Variants in NFYC observed in about 807,000 individuals in gnomAD.
The protein encoded by NFYC is nuclear transcription factor Y subunit gamma, also known as CAAT box DNA-binding protein subunit C.
A neutral mutation model predicts 53.1 loss-of-function variants in NFYC; 25 were observed. That is an observed-to-expected ratio of 0.47 (90% CI 0.34 to 0.66). NFYC has a LOEUF of 0.66. NFYC is among the 30% of genes least tolerant of loss of function. The probability of loss-of-function intolerance (pLI) is 0.01; values close to 1 mark genes in which losing one functional copy is unlikely to be tolerated. For missense variants in NFYC, 260 were observed against 422.7 expected (o/e 0.62, Z 3.38); for synonymous variants, 145 against 152.6 (o/e 0.95, Z 0.37).
chr1:40,733,503 G>C (rs1644872150), intron 1 of NFYC, among the ~76,000 whole-genome samples: 1 of 150,974 alleles, frequency 6.6e-6, no homozygotes, highest in Non-Finnish European at 1.5e-5. Flanking sequence ...AAAAAATAGA[G>C]AGAAAGAGTA....
At chr1:40,747,449 G>A in intron 2 of NFYC, 85 bp from the exon 3 acceptor site, 1 of 898,324 alleles carries the variant, frequency 1.1e-6, no homozygotes, top group Non-Finnish European at 1.8e-6. Context: ...GAGGGACCAA[G>A]CCAGAGTGTT....
chr1:40,768,335 C>T (rs1478045322), intron 8 of NFYC, among the ~76,000 whole-genome samples: 5 of 152,228 alleles, frequency 3.3e-5, no homozygotes, highest in Admixed American at 3.3e-4. Flanking sequence ...TGGGCTCCTG[C>T]CCTCAGGCAT....
At chr1:40,730,571 T>G in intron 1 of NFYC, 1 of 985,358 alleles carries the variant, frequency 1.0e-6, no homozygotes, top group Non-Finnish European at 1.2e-6. Context: ...GAGGAAGATA[T>G]GATCAAAATG....
intron 1 of NFYC, among the ~76,000 whole-genome samples, chr1:40,718,351 C>T (rs1376665173): frequency 1.3e-5 from 2 of 152,206 alleles, no homozygotes; most frequent in Non-Finnish European, 2.9e-5. Context: ...TTATACTGCA[C>T]TTTCTTACCA....
chr1:40,715,585 C>T (rs916486128), intron 1 of NFYC, among the ~76,000 whole-genome samples: 1 of 151,988 alleles, frequency 6.6e-6, no homozygotes, highest in African/African-American at 2.4e-5. Flanking sequence ...ATATGGGGGC[C>T]CACCTCTTTA....
intron 1 of NFYC, among the ~76,000 whole-genome samples, chr1:40,693,660 C>T (rs1490919355): frequency 6.6e-6 from 1 of 152,214 alleles, no homozygotes; most frequent in African/African-American, 2.4e-5. Context: ...GTTTAAGTAG[C>T]TTGTCTGGTG....
intron 1 of NFYC, among the ~76,000 whole-genome samples, chr1:40,733,605 G>C (rs1037515266): frequency 3.3e-5 from 5 of 151,498 alleles, no homozygotes; most frequent in Non-Finnish European, 7.4e-5. Context: ...GTCTCCCTCT[G>C]TTGCCCAGGC....
In NFYC at chr1:40,764,500, A is replaced by AT. The variant is rs567426739; in HGVS notation, c.720+1459dup. 7.1e-3 allele frequency among the ~76,000 whole-genome samples: 1,075 copies of AT among 152,216 alleles called. 8 individuals are homozygous for AT. Among genetic ancestry groups the AT allele is most frequent in the South Asian group, 0.016 (77 of 4,828 alleles). ...CCAAGATTTCTGTTGAATGGTTCTC[A>AT]TTTTTGCAAGCGAAGGCACCACCAC... On this transcript the variant is annotated intron_variant, in intron 7 of 9. Coordinates refer to ENST00000447388, the MANE Select transcript of NFYC (RefSeq NM_014223.5).
intron 1 of NFYC, among the ~76,000 whole-genome samples, chr1:40,697,203 T>A (rs919606911): frequency 1.3e-5 from 2 of 152,198 alleles, no homozygotes; most frequent in Non-Finnish European, 2.9e-5. Context: ...TTAGTGGACC[T>A]TAATAAGTGG....
At chr1:40,763,426 A>T (rs2148778054) in intron 7 of NFYC, 1 of 454,178 alleles carries the variant, frequency 2.2e-6, no homozygotes, top group East Asian at 7.0e-5. Context: ...AGCTCACTGC[A>T]GCTTCCGCCT....
intron 1 of NFYC, among the ~76,000 whole-genome samples, chr1:40,736,198 A>G (rs1475191133): frequency 6.6e-6 from 1 of 152,186 alleles, no homozygotes; most frequent in Non-Finnish European, 1.5e-5. Context: ...CACTAATGTC[A>G]TTACACCAGA....
rs200191074 is a variant in NFYC at position 40,715,689 on chromosome 1, CA to C, written c.-8-23143del. 6.8e-5 allele frequency among the ~76,000 whole-genome samples: 10 copies of C among 147,146 alleles called. No homozygotes were observed. In the East Asian group the frequency reaches 1.9e-3, roughly 28 times the overall value. The stretch of plus-strand genomic sequence containing the variant: ...TAGACCCCGCTGTTCAATAATTGAC[CA>C]AAAGTTTTTCTCTACTTATAGTATT... On this transcript the variant is annotated intron_variant, in intron 1 of 9. Transcript: ENST00000447388.
At position 40,694,726 on chromosome 1, in the gene NFYC, T is replaced by C. The variant is rs531632782; in HGVS notation, c.-9+2859T>C. ...ACCACCTTCATTCCATGTTAGCCCC[T>C]TATACCCATGGCCACCTTGTTAAGA... On this transcript the variant is annotated intron_variant, in intron 1 of 9. Transcript: ENST00000447388. Among the ~76,000 whole-genome samples the C allele has an allele frequency of 2.0e-5, 3 of 152,242 alleles. No homozygotes were observed. The South Asian group carries it at 6.2e-4, about 32-fold the overall frequency.
chr1:40,703,715 C>T (rs1003965926), intron 1 of NFYC, among the ~76,000 whole-genome samples: 1 of 152,118 alleles, frequency 6.6e-6, no homozygotes, highest in Non-Finnish European at 1.5e-5. Flanking sequence ...TTGCTGCCTT[C>T]AAGAAGCCCT....
At chr1:40,709,987 A>G (rs1352750350) in intron 1 of NFYC, among the ~76,000 whole-genome samples, 1 of 152,156 alleles carries the variant, frequency 6.6e-6, no homozygotes, top group South Asian at 2.1e-4. Context: ...ATTTCCATGC[A>G]CTTTGTTGAC....
intron 1 of NFYC, among the ~76,000 whole-genome samples, chr1:40,699,454 C>T (rs1266916919): frequency 6.6e-6 from 1 of 152,152 alleles, no homozygotes; most frequent in Non-Finnish European, 1.5e-5. Context: ...ACATTATCTG[C>T]ACAGTTGACA....
At chr1:40,767,521 T>C (rs1646877539) in intron 8 of NFYC, among the ~76,000 whole-genome samples, 1 of 152,114 alleles carries the variant, frequency 6.6e-6, no homozygotes, top group South Asian at 2.1e-4. Flanking sequence ...CTGTGCCCAC[T>C]CCCCGGCTTA....
Position 40,758,311 on chromosome 1 carries a change from G to T in NFYC, c.561+17G>T. On this transcript the variant is annotated intron_variant, in intron 6 of 9. Transcript: ENST00000447388. ...CAGGGCCAGGTCTGTGAGCTGCTGAGGATGCCCATCCAGCAAGACAGTGCC... is the reference window on the plus strand; with the variant it reads ...CAGGGCCAGGTCTGTGAGCTGCTGATGATGCCCATCCAGCAAGACAGTGCC... 1 of 1,594,236 alleles carries T rather than the reference G, an allele frequency of 6.3e-7. No individual in the cohort carries two copies. Among genetic ancestry groups the T allele is most frequent in the Non-Finnish European group, 8.6e-7 (1 of 1,168,486 alleles).
At position 40,770,287 on chromosome 1, in the gene NFYC, G is replaced by A. The variant is rs1395725418; in HGVS notation, c.889-422G>A. On this transcript the variant is annotated intron_variant, in intron 9 of 9. Coordinates refer to ENST00000447388, the MANE Select transcript of NFYC (RefSeq NM_014223.5). This position sits in a 1 kb window ranked among gnomAD's most constrained non-coding sequence, Gnocchi z 5.3. Reference sequence around the variant, plus strand: ...GCCAGATATTCTGAGAAAAGAAGGAGAGGAGGGGGTAATCCTACTGCCCCT... The same window carrying A: ...GCCAGATATTCTGAGAAAAGAAGGAAAGGAGGGGGTAATCCTACTGCCCCT... 1 of 1,016,456 alleles carries A rather than the reference G, an allele frequency of 9.8e-7. No homozygotes were observed. Among genetic ancestry groups the A allele is most frequent in the African/African-American group, 1.6e-5 (1 of 61,780 alleles). The allele number at this position is 1,016,456 out of a possible 1,614,324, so 63.0% of individuals were successfully genotyped here. A position where few individuals can be genotyped will look rare whatever the true frequency, so the allele number is the denominator to read the frequency against.
Sources: gnomAD v4.1 joint callset for allele counts (sites outside exome capture counted in the v4.1 genomes callset) on GRCh38, gnomAD v4.1.1 for gene constraint, Gnocchi (gnomAD v3.1) non-coding constraint, MANE v1.5 for transcripts, NCBI Gene and HGNC (gene_info 2026-07-23, HGNC 2026-07-21) for gene names.